PLCD1: variants seen among roughly 807,000 people sequenced by gnomAD.
The protein encoded by PLCD1 is 1-phosphatidylinositol 4,5-bisphosphate phosphodiesterase delta-1.
Under a neutral mutation model 87.4 loss-of-function variants are expected in PLCD1, and 71 were observed. The observed-to-expected ratio is 0.81, with a 90% CI of 0.67 to 0.99. PLCD1 has a LOEUF of 0.99. Ranked by LOEUF, PLCD1 falls within the 50% of genes least tolerant of loss-of-function variation. PLCD1 has a pLI of 0.00. For missense variants in PLCD1, 867 were observed against 1,001.5 expected, an observed-to-expected ratio of 0.87 and a Z score of 1.81; for synonymous variants, 348 against 399.2, an observed-to-expected ratio of 0.87 and a Z score of 1.53.
intron 1 of PLCD1, chr3:38,024,753 G>T: frequency 7.4e-7 from 1 of 1,353,518 alleles, no homozygotes; most frequent in Non-Finnish European, 9.7e-7. Context: ...AAATGAGTGG[G>T]GGGAGTCAGA....
In PLCD1 at chr3:38,025,306, C is replaced by T. The variant is rs961174025; in HGVS notation, c.34+4200G>A. 3.3e-5 allele frequency among the ~76,000 whole-genome samples: 5 copies of T among 152,216 alleles called. No homozygotes were observed. The highest frequency in any genetic ancestry group is 4.8e-5 in the African/African-American group (2 of 41,454). On this transcript the variant is annotated intron_variant, in intron 1 of 14. Transcript: ENST00000334661. The surrounding 1 kb of genome is among the most constrained non-coding windows in gnomAD (Gnocchi z 4.0). Reference sequence around the variant, plus strand: ...GGAGCCGGAGCGGCGAATTCTAACGCCACCTTTGAGGCTGGCGCAGAACCG... The same window carrying T: ...GGAGCCGGAGCGGCGAATTCTAACGTCACCTTTGAGGCTGGCGCAGAACCG...
chr3:38,008,862 G>T, intron 11 of PLCD1, 180 bp downstream of exon 11: 1 of 660,926 alleles, frequency 1.5e-6, no homozygotes, highest in Non-Finnish European at 2.7e-6. Flanking sequence ...TGAGGTTTCA[G>T]ACACTGTGAC....
chr3:38,024,108 G>C (rs1309532227), intron 1 of PLCD1: 1 of 531,412 alleles, frequency 1.9e-6, no homozygotes, highest in Non-Finnish European at 3.3e-6. Context: ...GCGTTGGAAG[G>C]GCTGAGTTAA....
chr3:38,009,472 G>T, intron 9 of PLCD1, 41 bp from the exon 10 acceptor site: 1 of 1,608,656 alleles, frequency 6.2e-7, no homozygotes, highest in African/African-American at 1.3e-5. Flanking sequence ...TCAGTGGTTG[G>T]GGTAGGGTAG....
At chr3:38,008,860 C>G in intron 11 of PLCD1, 182 bp downstream of exon 11, 1 of 663,400 alleles carries the variant, frequency 1.5e-6, no homozygotes, top group East Asian at 2.7e-5. Flanking sequence ...AATGAGGTTT[C>G]AGACACTGTG....
At chr3:38,016,451 C>A in intron 3 of PLCD1, 40 bp downstream of exon 3, 2 of 1,415,224 alleles carry the variant, frequency 1.4e-6, no homozygotes, top group South Asian at 2.3e-5. Context: ...CAGCCAGTGT[C>A]CACAAGCCAG....
At chr3:38,024,797 TA>T in intron 1 of PLCD1, 1 of 1,223,398 alleles carries the variant, frequency 8.2e-7, no homozygotes, top group Non-Finnish European at 1.1e-6. Flanking sequence ...AAATCTGGGC[TA>T]AGGAGGGCAG....
intron 1 of PLCD1, among the ~76,000 whole-genome samples, chr3:38,020,983 T>C (rs1700225540): frequency 6.6e-6 from 1 of 152,060 alleles, no homozygotes. Flanking sequence ...GTCTATGAAA[T>C]GGAGATAATA....
Position 38,009,380 on chromosome 3 carries a change from T to C in PLCD1, c.1498A>G (p.Lys500Glu). Residue 500 changes from lysine to glutamate, a missense_variant, in exon 10 of 15, where the codon AAG (lysine) becomes GAG (glutamate). Transcript: ENST00000334661. Reference sequence around the variant, plus strand: ...GAGAAGCCCCCAAAGTGGACACTCTTGCAGTAAATGACCATGTCAGAGAGC... The same window carrying C: ...GAGAAGCCCCCAAAGTGGACACTCTCGCAGTAAATGACCATGTCAGAGAGC... ...QELSDMVIYC[K>E]SVHFGGFSSP... The C allele has an allele frequency of 1.9e-6, 3 of 1,614,076 alleles. No individual in the cohort carries two copies. The South Asian group carries it at 3.3e-5, about 18-fold the overall frequency.
rs1396838177 is a variant in PLCD1 at position 38,007,699 on chromosome 3, C to T, written c.*74G>A. Reference sequence around the variant, plus strand: ...CTCTGAGCAAGAGGCTGGGAGCAGCCACACCAGCCCTGTCCCCACATGTGG... The same window carrying T: ...CTCTGAGCAAGAGGCTGGGAGCAGCTACACCAGCCCTGTCCCCACATGTGG... On this transcript the variant is annotated 3_prime_UTR_variant, in exon 15 of 15. Coordinates refer to ENST00000334661, the MANE Select transcript of PLCD1 (RefSeq NM_006225.4). 8.7e-7 allele frequency: 1 copy of T among 1,154,338 alleles called. No homozygotes were observed. Among genetic ancestry groups the T allele is most frequent in the Non-Finnish European group, 1.3e-6 (1 of 766,828 alleles). 71.5% of individuals were successfully genotyped at this position (1,154,338 alleles called of 1,614,324 possible).
intron 4 of PLCD1, 25 bp from the exon 5 acceptor site, chr3:38,011,470 G>A (rs1700076266): frequency 1.9e-6 from 3 of 1,613,672 alleles, no homozygotes; most frequent in Non-Finnish European, 2.5e-6. Context: ...CAGCCGAGTG[G>A]GCTCAGAGCA....
chr3:38,009,430 T>A lies in PLCD1; in HGVS notation c.1448A>T (p.Glu483Val). The A allele has an allele frequency of 6.2e-7, 1 of 1,614,134 alleles. No homozygotes were observed. Among genetic ancestry groups the A allele is most frequent in the South Asian group, 1.1e-5 (1 of 91,078 alleles). ...VRSRVQHKPK[E>V]DKLRLAQELS... Reference sequence around the variant, plus strand: ...CTCCTGTGCTAGCCTGAGCTTGTCCTCCTGGGGAACACGGGGAGGCCCGGG... The same window carrying A: ...CTCCTGTGCTAGCCTGAGCTTGTCCACCTGGGGAACACGGGGAGGCCCGGG... Residue 483 changes from glutamate to valine, a missense_variant and splice_region_variant, in exon 10 of 15, where the codon GAG (glutamate) becomes GTG (valine). Coordinates refer to ENST00000334661, the MANE Select transcript of PLCD1 (RefSeq NM_006225.4).
chr3:38,011,682 GAAGT>G lies in PLCD1; in HGVS notation c.429-13_429-10del. ...AGCAGGAGTGAATCCAGCTGGGCAA[GAAGT>G]AAGGAAAGAACCCAGGAACCCTGGA... On this transcript the variant is annotated splice_polypyrimidine_tract_variant and intron_variant, in intron 3 of 14. Transcript: ENST00000334661. 1 of 1,614,164 alleles carries G rather than the reference GAAGT, an allele frequency of 6.2e-7. No individual in the cohort carries two copies. The highest frequency in any genetic ancestry group is 8.5e-7 in the Non-Finnish European group (1 of 1,179,988).
At chr3:38,024,683 C>A in intron 1 of PLCD1, 1 of 1,500,834 alleles carries the variant, frequency 6.7e-7, no homozygotes, top group Non-Finnish European at 8.9e-7. Flanking sequence ...CGGAGCTAGT[C>A]CACGAGCGGC....
At chr3:38,008,211 G>A (rs1276738735) in intron 13 of PLCD1, 24 bp downstream of exon 13, 3 of 1,613,754 alleles carry the variant, frequency 1.9e-6, no homozygotes, top group Non-Finnish European at 1.7e-6. Context: ...AGCCCTAGTA[G>A]CCCAGCCCAG....
chr3:38,025,217 G>T lies in PLCD1; in HGVS notation c.34+4289C>A, dbSNP rs950505930. Among the ~76,000 whole-genome samples, 1 of 152,100 alleles carries T rather than the reference G, an allele frequency of 6.6e-6. No individual in the cohort carries two copies. Among genetic ancestry groups the T allele is most frequent in the Non-Finnish European group, 1.5e-5 (1 of 68,004 alleles). On this transcript the variant is annotated intron_variant, in intron 1 of 14. Coordinates refer to ENST00000334661, the MANE Select transcript of PLCD1 (RefSeq NM_006225.4). The surrounding 1 kb of genome is among the most constrained non-coding windows in gnomAD (Gnocchi z 4.0). ...CCAGGCAGGGAGGGGCGGTCCCTCG[G>T]CTTTGGAGGCGGTGCGGGGGCGGAG...
chr3:38,028,740 C>G (rs1171080068), intron 1 of PLCD1, among the ~76,000 whole-genome samples: 1 of 152,228 alleles, frequency 6.6e-6, no homozygotes, highest in Non-Finnish European at 1.5e-5. Context: ...TCCCCAACCT[C>G]CCGCCTCCCA....
Position 38,025,292 on chromosome 3 carries a change from G to A in PLCD1, c.34+4214C>T, listed in dbSNP as rs1197450672. ...CGGGGTCTGACCAAGGAGCCGGAGC[G>A]GCGAATTCTAACGCCACCTTTGAGG... On this transcript the variant is annotated intron_variant, in intron 1 of 14. Transcript: ENST00000334661. This position sits in a 1 kb window ranked among gnomAD's most constrained non-coding sequence, Gnocchi z 4.0. Among the ~76,000 whole-genome samples the A allele has an allele frequency of 6.6e-6, 1 of 152,214 alleles. No individual in the cohort carries two copies. The highest frequency in any genetic ancestry group is 1.5e-5 in the Non-Finnish European group (1 of 68,038).
intron 5 of PLCD1, among the ~76,000 whole-genome samples, chr3:38,010,815 G>A (rs558338824): frequency 1.7e-4 from 26 of 152,104 alleles, no homozygotes; most frequent in African/African-American, 3.4e-4. Flanking sequence ...TCATCTCCCC[G>A]TTCTCTGTAC....
Sources: gnomAD v4.1 joint callset for allele counts (sites outside exome capture counted in the v4.1 genomes callset) on GRCh38, gnomAD v4.1.1 for gene constraint, Gnocchi (gnomAD v3.1) non-coding constraint, MANE v1.5 for transcripts, NCBI Gene and HGNC (gene_info 2026-07-23, HGNC 2026-07-21) for gene names.